The following DCTN6 variants were observed in gnomAD, a reference collection of about 807,000 sequenced individuals.
DCTN6 encodes dynactin 6.
In DCTN6, 15 loss-of-function variants were observed where a neutral mutation model predicts 25.8. That is an observed-to-expected ratio of 0.58 (90% CI 0.39 to 0.89). The LOEUF is 0.89. Among genes scored for constraint, DCTN6 ranks in the 40% least tolerant of loss-of-function variants. DCTN6 has a pLI of 0.00. For missense variants in DCTN6, 198 were observed against 237.6 expected (o/e 0.83, Z 1.09); for synonymous variants, 64 against 78.3 (o/e 0.82, Z 0.96).
intron 3 of DCTN6, chr8:30,176,887 A>C: frequency 2.8e-6 from 1 of 354,304 alleles, no homozygotes; most frequent in Admixed American, 4.5e-5. Flanking sequence ...AGGCAGGAGA[A>C]TCTCTTGAAC....
At chr8:30,174,182 T>G (rs2117592293) in intron 2 of DCTN6, among the ~76,000 whole-genome samples, 1 of 152,280 alleles carries the variant, frequency 6.6e-6, no homozygotes, top group East Asian at 1.9e-4. Flanking sequence ...CTTTAACCTT[T>G]TCAGCTTTCA....
intron 6 of DCTN6, among the ~76,000 whole-genome samples, chr8:30,181,785 G>A (rs940113672): frequency 2.0e-5 from 3 of 151,836 alleles, no homozygotes; most frequent in Non-Finnish European, 4.4e-5. Flanking sequence ...AGCTACTTTG[G>A]AGGCTGAGGT....
chr8:30,173,566 C>A (rs1803790849), intron 2 of DCTN6, among the ~76,000 whole-genome samples: 1 of 151,690 alleles, frequency 6.6e-6, no homozygotes, highest in South Asian at 2.1e-4. Context: ...CATAGTGAGA[C>A]CCCATCTCTA....
chr8:30,163,993 C>A, intron 1 of DCTN6, 118 bp from the exon 2 acceptor site: 2 of 881,280 alleles, frequency 2.3e-6, no homozygotes, highest in South Asian at 1.5e-5. Flanking sequence ...TGAGCCACTG[C>A]GCCTGGCCTT....
Position 30,164,107 on chromosome 8 carries a change from A to G in DCTN6, c.24-4A>G. ...TGGTAAATGTTACCTTTTTCTTGCTACAGTGTGAAGATTGCTCCTGGAGCA... is the reference window on the plus strand; with the variant it reads ...TGGTAAATGTTACCTTTTTCTTGCTGCAGTGTGAAGATTGCTCCTGGAGCA... On this transcript the variant is annotated splice_polypyrimidine_tract_variant and splice_region_variant and intron_variant, in intron 1 of 6. Coordinates refer to ENST00000221114, the MANE Select transcript of DCTN6 (RefSeq NM_006571.4). 1.2e-6 allele frequency: 2 copies of G among 1,612,426 alleles called. No individual in the cohort carries two copies. Among genetic ancestry groups the G allele is most frequent in the Non-Finnish European group, 1.7e-6 (2 of 1,178,506 alleles).
chr8:30,165,452 A>C (rs536458177), intron 2 of DCTN6, among the ~76,000 whole-genome samples: 39 of 151,916 alleles, frequency 2.6e-4, no homozygotes, highest in African/African-American at 9.4e-4. Flanking sequence ...GAAAAAAAAA[A>C]AAACCCTGTA....
In DCTN6 at chr8:30,183,524, A is replaced by T. The variant is rs1803937163; in HGVS notation, c.*351A>T. 6.3e-6 allele frequency: 1 copy of T among 159,508 alleles called. No homozygotes were observed. The highest frequency in any genetic ancestry group is 1.9e-4 in the South Asian group (1 of 5,202). The allele number at this position is 159,508 out of a possible 1,614,324, so 9.9% of individuals were successfully genotyped here. On this transcript the variant is annotated 3_prime_UTR_variant, in exon 7 of 7. Coordinates refer to ENST00000221114, the MANE Select transcript of DCTN6 (RefSeq NM_006571.4). ...CTAGCATAGACTAAACTGAATAAAA[A>T]TGCTGATAACAGGACCTTTAGTAAG...
intron 1 of DCTN6, among the ~76,000 whole-genome samples, chr8:30,156,844 G>A (rs1221936655): frequency 2.6e-5 from 4 of 152,146 alleles, no homozygotes; most frequent in Non-Finnish European, 5.9e-5. Context: ...AGTGCTGGCC[G>A]CACCCCAGGC....
chr8:30,164,081 C>G, intron 1 of DCTN6, 30 bp from the exon 2 acceptor site: 1 of 1,583,576 alleles, frequency 6.3e-7, no homozygotes, highest in Non-Finnish European at 8.7e-7. Flanking sequence ...AATCTTACCC[C>G]TGGTAAATGT....
chr8:30,159,352 C>CT (rs1023621174), intron 1 of DCTN6, among the ~76,000 whole-genome samples: 5 of 147,414 alleles, frequency 3.4e-5, no homozygotes, highest in East Asian at 3.9e-4. Flanking sequence ...TGTATGTCTT[C>CT]TTTTTTTTTT....
intron 1 of DCTN6, among the ~76,000 whole-genome samples, chr8:30,157,445 C>G (rs1803540988): frequency 6.6e-6 from 1 of 152,142 alleles, no homozygotes; most frequent in Admixed American, 6.5e-5. Flanking sequence ...TGAGTAGATC[C>G]TGGGTCGAAT....
At chr8:30,172,418 T>A (rs1803775569) in intron 2 of DCTN6, among the ~76,000 whole-genome samples, 1 of 151,946 alleles carries the variant, frequency 6.6e-6, no homozygotes, top group Non-Finnish European at 1.5e-5. Flanking sequence ...TTAAACTTTT[T>A]AATGAGATAT....
chr8:30,179,527 C>A (rs1431439729), intron 5 of DCTN6, 72 bp downstream of exon 5: 1 of 1,331,940 alleles, frequency 7.5e-7, no homozygotes, highest in African/African-American at 1.5e-5. Flanking sequence ...GGGAAACAAC[C>A]TAATAGAAAC....
rs537346228 is a variant in DCTN6 at position 30,180,432 on chromosome 8, A to T, written c.332-56A>T. 1.3e-4 allele frequency: 206 copies of T among 1,562,458 alleles called. 2 individuals are homozygous for T. In the South Asian group the frequency reaches 2.3e-3, roughly 17 times the overall value. ...ATACCTAAATCACCTTAAGAAAAAA[A>T]GTGTTGGAATCATTTGATGTCTTAA... is the stretch of plus-strand genomic sequence containing the variant. On this transcript the variant is annotated intron_variant, in intron 5 of 6. Transcript: ENST00000221114.
chr8:30,180,781 T>A, intron 6 of DCTN6, 151 bp downstream of exon 6: 1 of 1,020,510 alleles, frequency 9.8e-7, no homozygotes, highest in Non-Finnish European at 1.4e-6. Flanking sequence ...CCTGGAATTC[T>A]AGCACTTTGG....
intron 6 of DCTN6, among the ~76,000 whole-genome samples, chr8:30,181,571 A>G (rs745399752): frequency 4.6e-5 from 7 of 152,154 alleles, no homozygotes; most frequent in Non-Finnish European, 7.3e-5. Context: ...TGCTTGGCAC[A>G]TTCAATATAT....
intron 3 of DCTN6, 117 bp from the exon 4 acceptor site, chr8:30,177,009 A>T (rs554278941): frequency 1.4e-6 from 1 of 695,744 alleles, no homozygotes; most frequent in South Asian, 1.8e-5. Flanking sequence ...TTATATAGTC[A>T]TGTCTTTTAA....
chr8:30,160,628 GA>G (rs928205515), intron 1 of DCTN6, among the ~76,000 whole-genome samples: 10 of 150,226 alleles, frequency 6.7e-5, no homozygotes, highest in South Asian at 4.2e-4. Context: ...TCGAAAATAG[GA>G]AAAAAAAATT....
At chr8:30,180,786 C>G in intron 6 of DCTN6, 156 bp downstream of exon 6, 3 of 920,384 alleles carry the variant, frequency 3.3e-6, no homozygotes, top group Non-Finnish European at 4.7e-6. Context: ...AATTCTAGCA[C>G]TTTGGGAGGC....
Sources: gnomAD v4.1 joint callset for allele counts (sites outside exome capture counted in the v4.1 genomes callset) on GRCh38, gnomAD v4.1.1 for gene constraint, MANE v1.5 for transcripts, NCBI Gene and HGNC (gene_info 2026-07-23, HGNC 2026-07-21) for gene names.